The following SRRM3 variants were observed in gnomAD, a reference collection of about 807,000 sequenced individuals.
SRRM3 encodes serine/arginine repetitive matrix protein 3.
Under a neutral mutation model 66.2 loss-of-function variants are expected in SRRM3, and 27 were observed. That is an observed-to-expected ratio of 0.41 (90% CI 0.30 to 0.56). The LOEUF (loss-of-function observed/expected upper bound fraction) is 0.56. Among genes scored for constraint, SRRM3 ranks in the 20% least tolerant of loss-of-function variants. The pLI, the probability that SRRM3 is intolerant of heterozygous loss-of-function variation, is 0.32. For missense variants in SRRM3, 918 were observed against 991.9 expected (o/e 0.93, Z 1.00); for synonymous variants, 391 against 414.9 (o/e 0.94, Z 0.70).
chr7:76,204,265 C>T (rs1289105699), intron 1 of SRRM3, among the ~76,000 whole-genome samples: 2 of 152,148 alleles, frequency 1.3e-5, no homozygotes, highest in Non-Finnish European at 1.5e-5. Flanking sequence ...CATAGCTCTT[C>T]CTGTCTCAGA....
rs1802519133 is a variant in SRRM3, at chr7:76,281,801, C to T, written c.1369C>T (p.Arg457Trp). The change falls in exon 12 of 15, where the codon CGG (arginine) becomes TGG (tryptophan). Residue 457 changes from arginine to tryptophan, a missense_variant and splice_region_variant. Coordinates refer to ENST00000611745, the MANE Select transcript of SRRM3 (RefSeq NM_001110199.3). ...SERGHGGHGKRAKERPPRARP... is the reference protein window; with the variant it reads ...SERGHGGHGKWAKERPPRARP... ...GCGAGGCCACGGCGGACACGGGAAA[C>T]GGTGAGCGTGCTGGACCCGGAGCTG... 7.3e-7 allele frequency: 1 copy of T among 1,371,844 alleles called. No homozygotes were observed. The highest frequency in any genetic ancestry group is 9.4e-7 in the Non-Finnish European group (1 of 1,063,102). 85.0% of individuals were successfully genotyped at this position (1,371,844 alleles called of 1,614,324 possible).
chr7:76,260,719 T>C (rs577388468), intron 5 of SRRM3, among the ~76,000 whole-genome samples, 155 bp from the exon 6 acceptor site: 2 of 151,996 alleles, frequency 1.3e-5, no homozygotes, highest in South Asian at 2.1e-4. Context: ...CCACCAACAC[T>C]AGTGCGAGTG....
intron 11 of SRRM3, among the ~76,000 whole-genome samples, chr7:76,278,758 T>G (rs1370027928): frequency 6.6e-6 from 1 of 152,244 alleles, no homozygotes; most frequent in African/African-American, 2.4e-5. Flanking sequence ...AGGAGCCATC[T>G]GTGCCTTTCC....
At chr7:76,277,050 AG>A (rs1249991447) in intron 11 of SRRM3, among the ~76,000 whole-genome samples, 1 of 152,248 alleles carries the variant, frequency 6.6e-6, no homozygotes, top group African/African-American at 2.4e-5. Context: ...GGCCGATTCC[AG>A]GGTGTTCCAC....
chr7:76,242,122 C>CA (rs1450150093), intron 2 of SRRM3, among the ~76,000 whole-genome samples: 1 of 152,158 alleles, frequency 6.6e-6, no homozygotes, highest in Non-Finnish European at 1.5e-5. Context: ...TTAAAACAAT[C>CA]AGCTCTTTCC....
At chr7:76,222,142 A>C (rs1314763494) in intron 1 of SRRM3, among the ~76,000 whole-genome samples, 1 of 152,186 alleles carries the variant, frequency 6.6e-6, no homozygotes, top group Non-Finnish European at 1.5e-5. Context: ...AGAGTTGAGC[A>C]CAGTGGCTCA....
chr7:76,215,955 G>A (rs1429368494), intron 1 of SRRM3, among the ~76,000 whole-genome samples: 1 of 149,874 alleles, frequency 6.7e-6, no homozygotes, highest in Non-Finnish European at 1.5e-5. Flanking sequence ...CCACCACCAC[G>A]CCCAGCTAAT....
chr7:76,266,232 A>ATATATATAAATATTTATATATTTAAT (rs1554609585), intron 10 of SRRM3, among the ~76,000 whole-genome samples: 750 of 74,962 alleles, frequency 0.01, 41 homozygotes, highest in Non-Finnish European at 0.012. Context: ...TTATATATTT[A>ATATATATAAATATTTATATATTTAAT]ATATATATAA....
At chr7:76,247,255 A>AG (rs2117024628) in intron 2 of SRRM3, among the ~76,000 whole-genome samples, 1 of 152,224 alleles carries the variant, frequency 6.6e-6, no homozygotes, top group South Asian at 2.1e-4. Flanking sequence ...TAGAGACGTC[A>AG]GGGGCTTCCA....
intron 2 of SRRM3, among the ~76,000 whole-genome samples, chr7:76,243,569 C>T (rs1801363552): frequency 6.6e-6 from 1 of 152,178 alleles, no homozygotes; most frequent in Non-Finnish European, 1.5e-5. Flanking sequence ...TATGCCGCTG[C>T]AGGTCTCCCT....
chr7:76,235,325 G>T, intron 2 of SRRM3, 26 bp downstream of exon 2: 7 of 1,468,978 alleles, frequency 4.8e-6, no homozygotes, highest in Non-Finnish European at 5.4e-6. Context: ...GGCGGGACTG[G>T]GGTGGGGAGA....
chr7:76,242,057 T>A (rs1227289876), intron 2 of SRRM3, among the ~76,000 whole-genome samples: 1 of 152,200 alleles, frequency 6.6e-6, no homozygotes, highest in Non-Finnish European at 1.5e-5. Flanking sequence ...GGAGCCAGCA[T>A]GTCTCACATG....
At chr7:76,251,475 C>A (rs930484239) in intron 3 of SRRM3, among the ~76,000 whole-genome samples, 2 of 151,834 alleles carry the variant, frequency 1.3e-5, no homozygotes, top group African/African-American at 2.4e-5. Context: ...CCCGGGTTCA[C>A]GCCATTCTCC....
chr7:76,209,532 T>C (rs1342860816), intron 1 of SRRM3, among the ~76,000 whole-genome samples: 5 of 151,768 alleles, frequency 3.3e-5, no homozygotes, highest in Admixed American at 1.3e-4. Flanking sequence ...CCTAATGTGG[T>C]CATAGGACAG....
intron 1 of SRRM3, among the ~76,000 whole-genome samples, chr7:76,211,611 A>G (rs536046050): frequency 4.1e-4 from 62 of 152,200 alleles, no homozygotes; most frequent in Non-Finnish European, 2.6e-4. Context: ...CATAGGTCAT[A>G]TGGCCTGGGG....
intron 3 of SRRM3, among the ~76,000 whole-genome samples, chr7:76,255,156 T>C (rs1164661390): frequency 6.1e-4 from 84 of 137,416 alleles, no homozygotes; most frequent in Non-Finnish European, 1.1e-3. Context: ...TTCTTTTTTT[T>C]TTTTTTTTTT....
rs539945161 is a variant in SRRM3 at position 76,216,097 on chromosome 7, G to A, written c.-40+14030G>A. On this transcript the variant is annotated intron_variant, in intron 1 of 14. Coordinates refer to ENST00000611745, the MANE Select transcript of SRRM3 (RefSeq NM_001110199.3). Reference sequence around the variant, plus strand: ...GCTGGGATTACAGGCGTGAGCCACCGCGCCCGGCCCACATCTGGCTAATTT... The same window carrying A: ...GCTGGGATTACAGGCGTGAGCCACCACGCCCGGCCCACATCTGGCTAATTT... Among the ~76,000 whole-genome samples the A allele has an allele frequency of 6.6e-5, 10 of 151,514 alleles. No homozygotes were observed. The South Asian group carries it at 1.0e-3, about 16-fold the overall frequency.
chr7:76,263,875 G>GCCAA (rs1243393227), intron 8 of SRRM3, among the ~76,000 whole-genome samples: 4 of 26,760 alleles, frequency 1.5e-4, no homozygotes, highest in African/African-American at 4.3e-4. Context: ...TCTGTCTCAA[G>GCCAA]ACAAAAAAAA....
At chr7:76,260,788 G>C in intron 5 of SRRM3, 86 bp from the exon 6 acceptor site, 2 of 1,331,756 alleles carry the variant, frequency 1.5e-6, no homozygotes, top group Non-Finnish European at 2.1e-6. Flanking sequence ...ACCCTCCCCT[G>C]TCCTGCGTGA....
Sources: allele counts gnomAD v4.1 joint callset (sites outside exome capture counted in the v4.1 genomes callset), GRCh38; gene constraint gnomAD v4.1.1; transcripts MANE v1.5; gene names NCBI Gene and HGNC (gene_info 2026-07-23, HGNC 2026-07-21).